The following GRID1 variants were observed in gnomAD, a reference collection of about 807,000 sequenced individuals.
The protein encoded by GRID1 is glutamate receptor ionotropic, delta-1.
A neutral mutation model predicts 98.0 loss-of-function variants in GRID1; 28 were observed. That is an observed-to-expected ratio of 0.29 (90% confidence interval 0.21 to 0.39). The LOEUF (loss-of-function observed/expected upper bound fraction) is 0.39. GRID1 is among the 10% of genes least tolerant of loss of function. The pLI, the probability that GRID1 is intolerant of heterozygous loss-of-function variation, is 1.00. For missense variants in GRID1, 1,111 were observed against 1,340.5 expected, an observed-to-expected ratio of 0.83 and a Z score of 2.67; for synonymous variants, 553 against 538.5, an observed-to-expected ratio of 1.03 and a Z score of -0.37.
chr10:85,613,873 T>C (rs530090233), intron 14 of GRID1, among the ~76,000 whole-genome samples: 92 of 152,256 alleles, frequency 6.0e-4, no homozygotes, highest in African/African-American at 1.9e-3. Context: ...CAACAGCCCC[T>C]CTGCCCTCTC....
chr10:85,931,869 A>G (rs575019273), intron 4 of GRID1, among the ~76,000 whole-genome samples: 20 of 152,294 alleles, frequency 1.3e-4, no homozygotes, highest in African/African-American at 4.6e-4. Context: ...TTTGCAATGG[A>G]AGATTCCCCA....
intron 3 of GRID1, among the ~76,000 whole-genome samples, chr10:86,184,210 C>A (rs1202306353): frequency 1.3e-5 from 2 of 151,994 alleles, no homozygotes; most frequent in African/African-American, 4.8e-5. Flanking sequence ...GGCTTTTTAT[C>A]CTCTTCACAG....
chr10:85,620,466 G>A (rs1171053641), intron 13 of GRID1, among the ~76,000 whole-genome samples: 1 of 151,394 alleles, frequency 6.6e-6, no homozygotes, highest in African/African-American at 2.4e-5. Flanking sequence ...GAATAGAACT[G>A]TGGCATATCT....
intron 3 of GRID1, among the ~76,000 whole-genome samples, chr10:86,169,856 T>C (rs1845456955): frequency 6.6e-6 from 1 of 152,174 alleles, no homozygotes; most frequent in Non-Finnish European, 1.5e-5. Context: ...CGGCAGCCCA[T>C]GTGGCTCCAC....
chr10:85,723,064 A>G lies in GRID1; in HGVS notation c.1936T>C (p.Ser646Pro). 1 of 1,612,676 alleles carries G rather than the reference A, an allele frequency of 6.2e-7. No homozygotes were observed. Among genetic ancestry groups the G allele is most frequent in the Non-Finnish European group, 8.5e-7 (1 of 1,179,342 alleles). ...GCAGCAAGGTTGGCTGTGTAGGAGG[A>G]GCACACAATGAGCGTGAAGAGCCAC... ...SWWLFTLIVC[S>P]SYTANLAAFL... is the part of the protein sequence containing the mutation. Residue 646 changes from serine (S) to proline (P), a missense_variant, in exon 12 of 16, where the codon TCC becomes CCC. Around this residue, in one of 3 missense-constraint regions of GRID1, gnomAD observed 762 missense variants for 869.1 expected, o/e 0.88. Transcript: ENST00000327946.
In GRID1 at chr10:86,138,883, C is replaced by T. The variant is rs758374211; in HGVS notation, c.662G>A (p.Arg221Gln). 1.8e-5 allele frequency: 29 copies of T among 1,614,080 alleles called. No individual in the cohort carries two copies. The African/African-American group carries it at 2.3e-4, about 13-fold the overall frequency. Residue 221 changes from arginine (R) to glutamine (Q), a missense_variant, in exon 4 of 16, where the codon CGG becomes CAG. Arg to Gln is a conservative substitution (Grantham distance 43). Around this residue, in one of 3 missense-constraint regions of GRID1, gnomAD observed 346 missense variants for 452.3 expected, o/e 0.76. Coordinates refer to ENST00000327946, the MANE Select transcript of GRID1 (RefSeq NM_017551.3). ...CAGGATGGCGCGGCGAAGCGTGTCC[C>T]GGTAGCGATTCAGCTCCTCTGTCTT... is the stretch of plus-strand genomic sequence containing the variant. ...TMKTEELNRY[R>Q]DTLRRAILLL... is the part of the protein sequence containing the mutation.
Position 86,206,737 on chromosome 10 carries a change from A to C in GRID1, c.236-89T>G. ...CTGCAGGCCCCATGCCTGGCAGCTC[A>C]TGCCCAGGACTCCCAAGAGAGGCTG... On this transcript the variant is annotated intron_variant, in intron 2 of 15. Coordinates refer to ENST00000327946, the MANE Select transcript of GRID1 (RefSeq NM_017551.3). The surrounding 1 kb of genome is among the most constrained non-coding windows in gnomAD (Gnocchi z 4.1). 4.4e-5 allele frequency: 56 copies of C among 1,273,370 alleles called. No homozygotes were observed. Among genetic ancestry groups the C allele is most frequent in the Non-Finnish European group, 5.8e-5 (53 of 915,338 alleles). 78.9% of individuals were successfully genotyped at this position (1,273,370 alleles called of 1,614,324 possible). A position where few individuals can be genotyped will look rare whatever the true frequency, so the allele number is the denominator to read the frequency against.
intron 8 of GRID1, among the ~76,000 whole-genome samples, chr10:85,820,816 G>A (rs188338296): frequency 1.1e-3 from 169 of 152,214 alleles, no homozygotes; most frequent in Non-Finnish European, 5.9e-4. Flanking sequence ...ATTGCTGAAG[G>A]AAATTAAAAA....
chr10:85,989,797 T>A (rs1403633594), intron 4 of GRID1, among the ~76,000 whole-genome samples: 4 of 152,312 alleles, frequency 2.6e-5, no homozygotes, highest in Non-Finnish European at 1.5e-5. Flanking sequence ...ACTGCTAGGA[T>A]CTGACAGTTT....
At chr10:85,743,599 T>A (rs1374631300) in intron 8 of GRID1, among the ~76,000 whole-genome samples, 1 of 152,084 alleles carries the variant, frequency 6.6e-6, no homozygotes. Flanking sequence ...TCAAGAAAAC[T>A]ACTGTAGGAG....
At chr10:86,137,192 AC>A (rs966998153) in intron 4 of GRID1, among the ~76,000 whole-genome samples, 3 of 152,232 alleles carry the variant, frequency 2.0e-5, no homozygotes, top group African/African-American at 7.2e-5. Context: ...ATCCTCTAGA[AC>A]GAAAATGCAT....
Position 86,231,154 on chromosome 10 carries a change from G to GCAAATGGCA in GRID1, c.236-24515_236-24507dup, listed in dbSNP as rs529227693. On this transcript the variant is annotated intron_variant, in intron 2 of 15. Coordinates refer to ENST00000327946, the MANE Select transcript of GRID1 (RefSeq NM_017551.3). ...AGAAGGGGCCTGTGATACACATTTTGCAAATGGCAGGAGACATGCATGTCA... is the reference window on the plus strand; with the variant it reads ...AGAAGGGGCCTGTGATACACATTTTGCAAATGGCACAAATGGCAGGAGACATGCATGTCA... Among the ~76,000 whole-genome samples, 9 of 152,314 alleles carry GCAAATGGCA rather than the reference G, an allele frequency of 5.9e-5. No individual in the cohort carries two copies. The South Asian group carries it at 1.9e-3, about 32-fold the overall frequency.
At chr10:85,729,954 T>C (rs1177223071) in intron 8 of GRID1, among the ~76,000 whole-genome samples, 2 of 152,222 alleles carry the variant, frequency 1.3e-5, no homozygotes, top group African/African-American at 4.8e-5. Flanking sequence ...CAAAATACCC[T>C]CTTTCTTTAA....
At chr10:86,311,975 A>G (rs911430616) in intron 2 of GRID1, among the ~76,000 whole-genome samples, 1 of 152,232 alleles carries the variant, frequency 6.6e-6, no homozygotes, top group Non-Finnish European at 1.5e-5. Context: ...GTATCCACCA[A>G]TGTAAACAGA....
At chr10:86,168,798 C>G (rs1845438425) in intron 3 of GRID1, among the ~76,000 whole-genome samples, 1 of 152,120 alleles carries the variant, frequency 6.6e-6, no homozygotes, top group South Asian at 2.1e-4. Flanking sequence ...ACCCACTTAC[C>G]CTGGGGGACA....
intron 3 of GRID1, among the ~76,000 whole-genome samples, chr10:86,169,011 C>A (rs1246658392): frequency 1.1e-4 from 17 of 152,240 alleles, no homozygotes. Context: ...CACACACCTG[C>A]ATGGGTGCAC....
intron 3 of GRID1, among the ~76,000 whole-genome samples, chr10:86,145,732 T>A (rs1845080855): frequency 6.6e-6 from 1 of 152,202 alleles, no homozygotes; most frequent in South Asian, 2.1e-4. Flanking sequence ...TAACGTTAAA[T>A]CATAATATAT....
In GRID1 at chr10:86,192,276, G is replaced by A. The variant is rs1332713859; in HGVS notation, c.520+14088C>T. ...AAAGCCAAGTGGACCAAAGGTAGAA[G>A]CAACCCTTAAGTGTCCATCGATGGA... On this transcript the variant is annotated intron_variant, in intron 3 of 15. Coordinates refer to ENST00000327946, the MANE Select transcript of GRID1 (RefSeq NM_017551.3). The surrounding 1 kb of genome is among the most constrained non-coding windows in gnomAD (Gnocchi z 4.8). 1.3e-5 allele frequency among the ~76,000 whole-genome samples: 2 copies of A among 152,154 alleles called. No individual in the cohort carries two copies. Among genetic ancestry groups the A allele is most frequent in the Admixed American group, 1.3e-4 (2 of 15,266 alleles).
intron 4 of GRID1, among the ~76,000 whole-genome samples, chr10:86,106,849 T>G (rs765952097): frequency 6.6e-6 from 1 of 151,568 alleles, no homozygotes; most frequent in African/African-American, 2.4e-5. Context: ...GCGGCTAAGA[T>G]GGGATAGAGA....
Sources: gnomAD v4.1 joint callset for allele counts (sites outside exome capture counted in the v4.1 genomes callset) on GRCh38, gnomAD v4.1.1 for gene constraint, gnomAD v4.1.1 regional missense constraint, Gnocchi (gnomAD v3.1) non-coding constraint, MANE v1.5 for transcripts, NCBI Gene and HGNC (gene_info 2026-07-23, HGNC 2026-07-21) for gene names.